ATP9B: variants seen among roughly 807,000 people sequenced by gnomAD.
ATP9B encodes ATPase phospholipid transporting 9B, also known as probable phospholipid-transporting ATPase IIB.
ATP9B carries 110 observed loss-of-function variants against 146.1 expected under a neutral mutation model. The observed-to-expected ratio is 0.75, with a 90% confidence interval of 0.65 to 0.88. ATP9B has a LOEUF of 0.88. Among genes scored for constraint, ATP9B ranks in the 40% least tolerant of loss-of-function variants. The pLI is 0.00. For missense variants in ATP9B, 1,499 were observed against 1,496.4 expected, an observed-to-expected ratio of 1.00 and a Z score of -0.03; for synonymous variants, 604 against 569.7, an observed-to-expected ratio of 1.06 and a Z score of -0.86.
intron 12 of ATP9B, among the ~76,000 whole-genome samples, chr18:79,256,992 C>T (rs1256760687): frequency 6.6e-6 from 1 of 152,154 alleles, no homozygotes; most frequent in Admixed American, 6.5e-5. Context: ...GTATTATTCA[C>T]ATTCAATCCT....
intron 15 of ATP9B, among the ~76,000 whole-genome samples, chr18:79,325,078 C>T (rs1044532754): frequency 1.8e-4 from 28 of 152,172 alleles, no homozygotes; most frequent in Non-Finnish European, 3.5e-4. Flanking sequence ...ACCCCTGAGC[C>T]CCTCTCCCAG....
rs140981029 is a variant in ATP9B, at chr18:79,373,958, C to T, written c.3131C>T (p.Ala1044Val). Residue 1044 changes from alanine (A) to valine (V), a missense_variant, in exon 28 of 30, where the codon GCC becomes GTC. By Grantham distance (64) the Ala-to-Val change is moderately conservative. Transcript: ENST00000426216. The part of the protein sequence containing the change: ...LFESEFVHVV[A>V]ISFTALILTE... ...GAGTCTGAGTTCGTCCACGTGGTGG[C>T]CATCTCCTTCACCGCACTGATCCTG... 4.3e-4 allele frequency: 702 copies of T among 1,613,802 alleles called. No individual in the cohort carries two copies. Among genetic ancestry groups the T allele is most frequent in the Non-Finnish European group, 5.5e-4 (645 of 1,180,034 alleles).
At chr18:79,256,833 T>C (rs894816811) in intron 12 of ATP9B, among the ~76,000 whole-genome samples, 16 of 152,316 alleles carry the variant, frequency 1.1e-4, no homozygotes, top group Admixed American at 1.3e-4. Flanking sequence ...ATTACTGCAG[T>C]AGTCAAAGGG....
At chr18:79,283,448 A>G (rs1230181237) in intron 13 of ATP9B, among the ~76,000 whole-genome samples, 1 of 152,220 alleles carries the variant, frequency 6.6e-6, no homozygotes, top group South Asian at 2.1e-4. Flanking sequence ...TCTGTGCTTC[A>G]TCAGTAAGCT....
At chr18:79,169,382 C>T (rs1009089705) in intron 7 of ATP9B, among the ~76,000 whole-genome samples, 1 of 152,148 alleles carries the variant, frequency 6.6e-6, no homozygotes, top group African/African-American at 2.4e-5. Flanking sequence ...GTAATGCTTT[C>T]AGTATAGTAG....
intron 4 of ATP9B, among the ~76,000 whole-genome samples, chr18:79,116,940 T>TAAAAAAA (rs377608135): frequency 3.7e-5 from 4 of 106,798 alleles, no homozygotes; most frequent in Non-Finnish European, 7.5e-5. Context: ...AAAAAAAAAT[T>TAAAAAAA]AAAAAAAAAA....
chr18:79,234,149 C>T (rs2095817581), intron 11 of ATP9B, among the ~76,000 whole-genome samples: 1 of 151,958 alleles, frequency 6.6e-6, no homozygotes, highest in Non-Finnish European at 1.5e-5. Context: ...TGGGAGGGAG[C>T]GAGTAGGGAA....
At chr18:79,079,433 C>T (rs924356455) in intron 1 of ATP9B, among the ~76,000 whole-genome samples, 1 of 152,056 alleles carries the variant, frequency 6.6e-6, no homozygotes, top group African/African-American at 2.4e-5. Flanking sequence ...GTTTGTCGGC[C>T]GCATAAATGT....
intron 4 of ATP9B, among the ~76,000 whole-genome samples, chr18:79,118,462 G>T: frequency 1.4e-5 from 2 of 139,040 alleles, no homozygotes; most frequent in East Asian, 2.2e-4. Flanking sequence ...GTGCAGTGGC[G>T]CGATCTCGGC....
chr18:79,338,876 GAGGGAC>G (rs1448307616), intron 19 of ATP9B, among the ~76,000 whole-genome samples: 1 of 152,208 alleles, frequency 6.6e-6, no homozygotes, highest in Non-Finnish European at 1.5e-5. Context: ...AGCTAGACTA[GAGGGAC>G]AGAACTGAAG....
In ATP9B at chr18:79,091,139, A is replaced by G. The variant is rs527835138; in HGVS notation, c.120-5337A>G. 1.4e-3 allele frequency among the ~76,000 whole-genome samples: 207 copies of G among 152,236 alleles called. 1 individual carries two copies. Among genetic ancestry groups the G allele is most frequent in the African/African-American group, 4.6e-3 (191 of 41,552 alleles). ...GTTCTCTATTCTGGTCCATTGGTCTATGTGTCTGTTTTTATGCCAGTAACT... is the reference window on the plus strand; with the variant it reads ...GTTCTCTATTCTGGTCCATTGGTCTGTGTGTCTGTTTTTATGCCAGTAACT... On this transcript the variant is annotated intron_variant, in intron 1 of 29. Transcript: ENST00000426216.
intron 9 of ATP9B, among the ~76,000 whole-genome samples, chr18:79,205,022 G>GCGGT: frequency 6.6e-6 from 1 of 152,106 alleles, no homozygotes; most frequent in East Asian, 1.9e-4. Flanking sequence ...TTCAGGTCAG[G>GCGGT]CGGTCGCCTT....
chr18:79,293,518 C>G (rs1282499574), intron 13 of ATP9B, among the ~76,000 whole-genome samples: 3 of 152,170 alleles, frequency 2.0e-5, no homozygotes, highest in Admixed American at 6.5e-5. Flanking sequence ...GAGCCTCCTC[C>G]CATCATGGGG....
intron 8 of ATP9B, among the ~76,000 whole-genome samples, chr18:79,186,180 T>C (rs1474547111): frequency 6.6e-6 from 1 of 152,220 alleles, no homozygotes; most frequent in East Asian, 1.9e-4. Flanking sequence ...CGTATAGCAG[T>C]AAACAATACC....
At chr18:79,273,071 C>G (rs1399671320) in intron 12 of ATP9B, among the ~76,000 whole-genome samples, 2 of 152,152 alleles carry the variant, frequency 1.3e-5, no homozygotes, top group Non-Finnish European at 2.9e-5. Context: ...GTGGCCGTGC[C>G]AGTCGTTATG....
At chr18:79,164,022 G>A (rs554983320) in intron 7 of ATP9B, among the ~76,000 whole-genome samples, 21 of 152,060 alleles carry the variant, frequency 1.4e-4, no homozygotes, top group Middle Eastern at 3.4e-3. Flanking sequence ...GGGCTCAAGT[G>A]ATCCTTCCAC....
intron 1 of ATP9B, among the ~76,000 whole-genome samples, chr18:79,090,018 G>A (rs1813862913): frequency 6.6e-6 from 1 of 152,142 alleles, no homozygotes; most frequent in Non-Finnish European, 1.5e-5. Context: ...GTGAGAACAT[G>A]TGATATTTAT....
chr18:79,308,656 T>A (rs112599594), intron 15 of ATP9B, among the ~76,000 whole-genome samples: 1 of 123,784 alleles, frequency 8.1e-6, no homozygotes, highest in East Asian at 2.6e-4. Flanking sequence ...TGATCCCCAG[T>A]AGGTAGAAGG....
At chr18:79,093,690 T>C (rs1599482694) in intron 1 of ATP9B, among the ~76,000 whole-genome samples, 1 of 152,342 alleles carries the variant, frequency 6.6e-6, no homozygotes, top group East Asian at 1.9e-4. Flanking sequence ...TATATAAATA[T>C]AGAGAAATAG....
Sources: allele counts gnomAD v4.1 joint callset (sites outside exome capture counted in the v4.1 genomes callset), GRCh38; gene constraint gnomAD v4.1.1; transcripts MANE v1.5; gene names NCBI Gene and HGNC (gene_info 2026-07-23, HGNC 2026-07-21).